Variants in LIMA1 observed in about 807,000 individuals in gnomAD.
LIMA1 encodes the protein LIM domain and actin binding 1.
A neutral mutation model predicts 62.6 loss-of-function variants in LIMA1; 52 were observed. The ratio of observed to expected loss-of-function variants is 0.83; its 90% CI spans 0.67 to 1.05. LIMA1 has a LOEUF of 1.05. Among genes scored for constraint, LIMA1 ranks in the 50% least tolerant of loss-of-function variants. The probability of loss-of-function intolerance (pLI) is 0.00; values close to 1 mark genes in which losing one functional copy is unlikely to be tolerated. For synonymous variants in LIMA1, 302 were observed against 317.8 expected (o/e 0.95, Z 0.53); for missense variants, 780 against 902.2 (o/e 0.86, Z 1.74).
At chr12:50,258,612 C>A (rs932015468) in intron 1 of LIMA1, among the ~76,000 whole-genome samples, 9 of 96,614 alleles carry the variant, frequency 9.3e-5, no homozygotes, top group African/African-American at 3.3e-4. Flanking sequence ...GCACACATTT[C>A]TTTATTTAGC....
chr12:50,180,173 G>A (rs944006800), intron 10 of LIMA1, among the ~76,000 whole-genome samples: 14 of 151,926 alleles, frequency 9.2e-5, no homozygotes, highest in African/African-American at 2.9e-4. Flanking sequence ...TGTTGCACAC[G>A]CCTGTAGTCC....
chr12:50,201,178 C>T (rs1235285105), intron 6 of LIMA1: 2 of 1,098,944 alleles, frequency 1.8e-6, no homozygotes, highest in East Asian at 7.5e-5. Flanking sequence ...ATACAACATT[C>T]TTGTGATTCA....
intron 3 of LIMA1, among the ~76,000 whole-genome samples, chr12:50,230,363 T>A (rs1183660600): frequency 2.6e-5 from 4 of 152,036 alleles, no homozygotes; most frequent in African/African-American, 7.2e-5. Flanking sequence ...TTATTGTCTG[T>A]CTTTTGCACT....
chr12:50,217,831 G>T, intron 4 of LIMA1: 1 of 261,392 alleles, frequency 3.8e-6, no homozygotes, highest in South Asian at 4.2e-5. Flanking sequence ...AGGCATCTAG[G>T]ACGCTCACTT....
intron 1 of LIMA1, among the ~76,000 whole-genome samples, chr12:50,251,084 A>G (rs1941923950): frequency 6.6e-6 from 1 of 152,210 alleles, no homozygotes. Flanking sequence ...AGACTCACCA[A>G]ACAATGCCAG....
intron 1 of LIMA1, among the ~76,000 whole-genome samples, chr12:50,276,342 G>C (rs911489988): frequency 1.3e-5 from 2 of 152,116 alleles, no homozygotes; most frequent in Admixed American, 6.6e-5. Flanking sequence ...GATGCATGGC[G>C]TACAGGGACT....
rs1476982779 is a variant in LIMA1, at chr12:50,192,976, C to G, written c.1031-415G>C. ...GAGATGTGAGGGCAGAAATTTTGTACTCTGTGTGTGTGTGTGTGTGTGTGT... is the reference window on the plus strand; with the variant it reads ...GAGATGTGAGGGCAGAAATTTTGTAGTCTGTGTGTGTGTGTGTGTGTGTGT... On this transcript the variant is annotated intron_variant, in intron 8 of 10. Coordinates refer to ENST00000341247, the MANE Select transcript of LIMA1 (RefSeq NM_016357.5). 1.4e-4 allele frequency among the ~76,000 whole-genome samples: 17 copies of G among 119,412 alleles called. 1 individual carries two copies. The highest frequency in any genetic ancestry group is 2.7e-4 in the Non-Finnish European group (17 of 61,858). The allele number at this position is 119,412 out of a possible 152,430, so 78.3% of individuals were successfully genotyped here. A position where few individuals can be genotyped will look rare whatever the true frequency, so the allele number is the denominator to read the frequency against.
intron 1 of LIMA1, among the ~76,000 whole-genome samples, chr12:50,280,098 C>T (rs1340502624): frequency 3.7e-5 from 5 of 134,174 alleles, no homozygotes; most frequent in Admixed American, 1.5e-4. Flanking sequence ...AAAGTTGCAT[C>T]TTTTTTTCCC....
intron 8 of LIMA1, among the ~76,000 whole-genome samples, chr12:50,195,137 A>C (rs1388965403): frequency 6.6e-6 from 1 of 152,122 alleles, no homozygotes; most frequent in East Asian, 1.9e-4. Flanking sequence ...CAGGAGTTTG[A>C]GGCTGCAGTG....
At chr12:50,260,602 A>G (rs935371090) in intron 1 of LIMA1, among the ~76,000 whole-genome samples, 2 of 152,248 alleles carry the variant, frequency 1.3e-5, no homozygotes, top group Non-Finnish European at 2.9e-5. Flanking sequence ...GAATTGGTAT[A>G]TGAATTTTTG....
intron 1 of LIMA1, among the ~76,000 whole-genome samples, chr12:50,275,855 G>C (rs1942270535): frequency 6.6e-6 from 1 of 152,140 alleles, no homozygotes; most frequent in Non-Finnish European, 1.5e-5. Flanking sequence ...GTGTCTTGAA[G>C]AGCATGTCAG....
At chr12:50,183,708 G>A (rs990553579) in intron 9 of LIMA1, among the ~76,000 whole-genome samples, 1 of 151,322 alleles carries the variant, frequency 6.6e-6, no homozygotes, top group East Asian at 1.9e-4. Flanking sequence ...CTACTCGGGA[G>A]GCTGAGGCAG....
chr12:50,179,979 A>T (rs970324474), intron 10 of LIMA1, among the ~76,000 whole-genome samples: 28 of 151,460 alleles, frequency 1.8e-4, no homozygotes, highest in Non-Finnish European at 1.8e-4. Context: ...AGCCTGACCA[A>T]CATGGTGAAA....
chr12:50,185,614 T>C, intron 9 of LIMA1: 1 of 395,126 alleles, frequency 2.5e-6, no homozygotes, highest in South Asian at 1.9e-5. Flanking sequence ...AAAATCAGCC[T>C]CACTCGTATC....
Position 50,195,822 on chromosome 12 carries a change from A to AT in LIMA1, c.1030+7dup. On this transcript the variant is annotated splice_region_variant and intron_variant, in intron 8 of 10. Coordinates refer to ENST00000341247, the MANE Select transcript of LIMA1 (RefSeq NM_016357.5). Reference sequence around the variant, plus strand: ...CCTCATCCTCCAGATCTAAGAAAGAATGCTTACGGGAGTCATCTTCGGCAG... The same window carrying AT: ...CCTCATCCTCCAGATCTAAGAAAGAATTGCTTACGGGAGTCATCTTCGGCAG... 1.3e-6 allele frequency: 2 copies of AT among 1,594,038 alleles called. No homozygotes were observed. The highest frequency in any genetic ancestry group is 1.7e-6 in the Non-Finnish European group (2 of 1,172,972).
At position 50,263,902 on chromosome 12, in the gene LIMA1, T is replaced by TATATATATATAAA. The variant is rs1565863129; in HGVS notation, c.-23-15129_-23-15128insTTTATATATATAT. On this transcript the variant is annotated intron_variant, in intron 1 of 10. Coordinates refer to ENST00000341247, the MANE Select transcript of LIMA1 (RefSeq NM_016357.5). ...AAAGTATATATATATATATAAAGTA[T>TATATATATATAAA]GTATATATATATATATACTCAAGAG... Among the ~76,000 whole-genome samples the TATATATATATAAA allele has an allele frequency of 2.0e-3, 165 of 83,232 alleles. 1 individual carries two copies. Among genetic ancestry groups the TATATATATATAAA allele is most frequent in the African/African-American group, 7.6e-3 (146 of 19,124 alleles). 54.6% of individuals were successfully genotyped at this position (83,232 alleles called of 152,430 possible).
intron 8 of LIMA1, among the ~76,000 whole-genome samples, chr12:50,193,566 A>ATG (rs1940841267): frequency 2.6e-5 from 3 of 114,660 alleles, no homozygotes; most frequent in Non-Finnish European, 5.4e-5. Context: ...ATATATGTAT[A>ATG]TATGATATAT....
intron 7 of LIMA1, 43 bp downstream of exon 7, chr12:50,200,734 C>G: frequency 6.3e-7 from 1 of 1,591,752 alleles, no homozygotes; most frequent in Non-Finnish European, 8.6e-7. Flanking sequence ...TAATTTAGAA[C>G]ACATGCTTCC....
At chr12:50,241,292 G>A (rs908243015) in intron 2 of LIMA1, among the ~76,000 whole-genome samples, 9 of 152,162 alleles carry the variant, frequency 5.9e-5, no homozygotes, top group Non-Finnish European at 5.9e-5. Flanking sequence ...TTGAACTTGC[G>A]TTTCCACACC....
Sources: allele counts gnomAD v4.1 joint callset (sites outside exome capture counted in the v4.1 genomes callset), GRCh38; gene constraint gnomAD v4.1.1; transcripts MANE v1.5; gene names NCBI Gene and HGNC (gene_info 2026-07-23, HGNC 2026-07-21).